Variants in RNF115 observed in about 807,000 individuals in gnomAD.
RNF115 encodes E3 ubiquitin-protein ligase RNF115.
RNF115 carries 31 observed loss-of-function variants against 39.2 expected under a neutral mutation model. The ratio of observed to expected loss-of-function variants is 0.79; its 90% CI spans 0.59 to 1.07. RNF115 has a LOEUF of 1.07. Among genes scored for constraint, RNF115 ranks in the 50% least tolerant of loss-of-function variants. The pLI, the probability that RNF115 is intolerant of heterozygous loss-of-function variation, is 0.00. For missense variants in RNF115, 384 were observed against 381.7 expected (o/e 1.01, Z -0.05); for synonymous variants, 124 against 131.0 (o/e 0.95, Z 0.37).
At chr1:145,759,277 T>A (rs1658413570) in intron 4 of RNF115, among the ~76,000 whole-genome samples, 1 of 152,204 alleles carries the variant, frequency 6.6e-6, no homozygotes, top group Non-Finnish European at 1.5e-5. Context: ...CTTCCAAATA[T>A]TATCTCCAGC....
intron 1 of RNF115, among the ~76,000 whole-genome samples, chr1:145,798,267 C>T (rs587612502): frequency 2.6e-5 from 4 of 152,282 alleles, no homozygotes; most frequent in South Asian, 4.1e-4. Context: ...ATAAGCCTTT[C>T]CTCTAAGTTT....
At chr1:145,814,968 A>G (rs1454171314) in intron 1 of RNF115, among the ~76,000 whole-genome samples, 1 of 152,242 alleles carries the variant, frequency 6.6e-6, no homozygotes, top group African/African-American at 2.4e-5. Context: ...CATATCAATC[A>G]TTCAATTAAA....
At chr1:145,747,118 T>C (rs1657905894) in intron 8 of RNF115, 121 bp from the exon 9 acceptor site, 2 of 994,596 alleles carry the variant, frequency 2.0e-6, no homozygotes, top group Non-Finnish European at 1.5e-6. Flanking sequence ...AGAAAAACAA[T>C]AGAGAATGCA....
chr1:145,812,670 AC>A (rs1553722860), intron 1 of RNF115, among the ~76,000 whole-genome samples: 9,466 of 148,978 alleles, frequency 0.064, 378 homozygotes, highest in African/African-American at 0.23. Context: ...TCAAAAAAAA[AC>A]CAAAAAACAA....
intron 1 of RNF115, among the ~76,000 whole-genome samples, chr1:145,813,151 T>C (rs1553722949): frequency 6.6e-6 from 1 of 151,648 alleles, no homozygotes; most frequent in Non-Finnish European, 1.5e-5. Context: ...TACAGCTCCA[T>C]TCCTCATTCA....
rs1319633055 is a variant in RNF115 at position 145,739,868 on chromosome 1, C to A, written c.*6998G>T. The A allele has an allele frequency of 6.6e-6, 1 of 152,282 alleles. No homozygotes were observed. Among genetic ancestry groups the A allele is most frequent in the Non-Finnish European group, 1.5e-5 (1 of 68,100 alleles). The allele number at this position is 152,282 out of a possible 1,614,324, so 9.4% of individuals were successfully genotyped here. On this transcript the variant is annotated 3_prime_UTR_variant, in exon 9 of 9. Coordinates refer to ENST00000582693, the MANE Select transcript of RNF115 (RefSeq NM_014455.4). ...GTGCTGGGATTACAGGCGTGAGCCA[C>A]CTCACCCAGTGCAAATGAGGTTTTG...
intron 4 of RNF115, among the ~76,000 whole-genome samples, chr1:145,767,317 G>C (rs367830967): frequency 6.1e-5 from 9 of 146,750 alleles, no homozygotes; most frequent in Admixed American, 1.4e-4. Flanking sequence ...CCAGGCAGAG[G>C]GTCTCCTCAC....
At chr1:145,763,404 AAAT>A (rs1347456627) in intron 4 of RNF115, among the ~76,000 whole-genome samples, 2 of 152,154 alleles carry the variant, frequency 1.3e-5, no homozygotes, top group Non-Finnish European at 2.9e-5. Context: ...AAGCACAATA[AAAT>A]AAAAATGGGG....
Position 145,813,736 on chromosome 1 carries a change from C to A in RNF115, c.102+10036G>T, listed in dbSNP as rs1363481977. ...TTTCTTACTGAAAATTCACTGGGAT[C>A]CCAAAATTAAAAATCAAACCTACAC... On this transcript the variant is annotated intron_variant, in intron 1 of 8. Transcript: ENST00000582693. Among the ~76,000 whole-genome samples the A allele has an allele frequency of 5.9e-5, 9 of 151,430 alleles. No homozygotes were observed. In the East Asian group the frequency reaches 1.6e-3, roughly 26 times the overall value.
At chr1:145,770,696 G>C (rs1476512019) in intron 4 of RNF115, among the ~76,000 whole-genome samples, 1 of 152,074 alleles carries the variant, frequency 6.6e-6, no homozygotes, top group African/African-American at 2.4e-5. Flanking sequence ...AATGAAAACA[G>C]CAATAGCACC....
chr1:145,771,120 T>C (rs10797659), intron 4 of RNF115, among the ~76,000 whole-genome samples: 71,312 of 152,054 alleles, frequency 0.47, 17,091 homozygotes, highest in East Asian at 0.7. Flanking sequence ...CAAAAATTCA[T>C]GTGTTGGAAA....
intron 4 of RNF115, among the ~76,000 whole-genome samples, chr1:145,753,895 C>T (rs1553712839): frequency 6.6e-6 from 1 of 151,974 alleles, no homozygotes; most frequent in African/African-American, 2.4e-5. Flanking sequence ...TTTTTGTATA[C>T]TTAGTAGATT....
chr1:145,756,860 GCAGAGTCTCACTCTCGCCCAGGC>G (rs1658318057), intron 4 of RNF115, among the ~76,000 whole-genome samples: 1 of 124,890 alleles, frequency 8.0e-6, no homozygotes, highest in Non-Finnish European at 1.7e-5. Flanking sequence ...TTTTTTTGAG[GCAGAGTCTCACTCTCGCCCAGGC>G]CAGAGTGCAG....
At chr1:145,771,342 G>A (rs926747155) in intron 4 of RNF115, among the ~76,000 whole-genome samples, 12 of 152,094 alleles carry the variant, frequency 7.9e-5, no homozygotes, top group Non-Finnish European at 1.3e-4. Context: ...GAAGGCCCTC[G>A]CCAGATGTGG....
chr1:145,808,226 T>C (rs1344617424), intron 1 of RNF115, among the ~76,000 whole-genome samples: 1 of 152,234 alleles, frequency 6.6e-6, no homozygotes, highest in Non-Finnish European at 1.5e-5. Context: ...GATTGCTGGA[T>C]TGTATGGTAG....
intron 1 of RNF115, among the ~76,000 whole-genome samples, chr1:145,805,229 T>C (rs1553721443): frequency 6.6e-6 from 1 of 152,152 alleles, no homozygotes; most frequent in Admixed American, 6.6e-5. Context: ...CTAATTCAAC[T>C]CACAGCAGGA....
intron 1 of RNF115, among the ~76,000 whole-genome samples, chr1:145,806,741 C>T (rs1649480701): frequency 6.6e-6 from 1 of 152,214 alleles, no homozygotes; most frequent in African/African-American, 2.4e-5. Flanking sequence ...TGAGGTCCCA[C>T]CAGAAGCAGA....
intron 4 of RNF115, among the ~76,000 whole-genome samples, chr1:145,771,377 C>T (rs202172031): frequency 1.3e-5 from 2 of 152,204 alleles, no homozygotes; most frequent in East Asian, 3.8e-4. Context: ...GACTTCCCAG[C>T]CTCCAGAAAT....
At chr1:145,790,560 G>A (rs1467333976) in intron 1 of RNF115, among the ~76,000 whole-genome samples, 1 of 151,670 alleles carries the variant, frequency 6.6e-6, no homozygotes, top group Admixed American at 6.6e-5. Flanking sequence ...AGCCTCCCAA[G>A]TAGCTGGGAT....
Sources: allele counts gnomAD v4.1 joint callset (sites outside exome capture counted in the v4.1 genomes callset), GRCh38; gene constraint gnomAD v4.1.1; transcripts MANE v1.5; gene names NCBI Gene and HGNC (gene_info 2026-07-23, HGNC 2026-07-21).